LRRFIP1: variants seen among roughly 807,000 people sequenced by gnomAD.
The protein encoded by LRRFIP1 is leucine-rich repeat flightless-interacting protein 1.
LRRFIP1 carries 62 observed loss-of-function variants against 104.4 expected under a neutral mutation model. That is an observed-to-expected ratio of 0.59 (90% CI 0.48 to 0.73). The LOEUF (loss-of-function observed/expected upper bound fraction) is 0.73, where lower values mean the gene tolerates loss of function less well. LRRFIP1 is among the 30% of genes least tolerant of loss of function. The pLI is 0.00. For synonymous variants in LRRFIP1, 300 were observed against 299.0 expected (o/e 1.00, Z -0.03); for missense variants, 796 against 824.5 (o/e 0.97, Z 0.42).
intron 15 of LRRFIP1, among the ~76,000 whole-genome samples, chr2:237,754,327 G>A (rs1458997548): frequency 6.6e-6 from 1 of 152,180 alleles, no homozygotes; most frequent in African/African-American, 2.4e-5. Flanking sequence ...AGTCTTATCT[G>A]AGCTTTCATT....
At chr2:237,665,601 G>C (rs1461340517) in intron 1 of LRRFIP1, among the ~76,000 whole-genome samples, 2 of 152,204 alleles carry the variant, frequency 1.3e-5, no homozygotes, top group Non-Finnish European at 2.9e-5. Flanking sequence ...AAAATAAAAT[G>C]AATTTATGTT....
rs147124138 is a variant in LRRFIP1 at position 237,750,979 on chromosome 2, A to G, written c.796-221A>G. Among the ~76,000 whole-genome samples the G allele has an allele frequency of 2.7e-3, 411 of 152,320 alleles. 2 individuals carry two copies. Among genetic ancestry groups the G allele is most frequent in the African/African-American group, 9.6e-3 (397 of 41,558 alleles). On this transcript the variant is annotated intron_variant, in intron 13 of 23. Coordinates refer to ENST00000308482, the MANE Select transcript of LRRFIP1 (RefSeq NM_001137550.2). Reference sequence around the variant, plus strand: ...TTTAAACTGTGTAAAATCATATGAGATACACTAAAATTGTATAAAATCATG... The same window carrying G: ...TTTAAACTGTGTAAAATCATATGAGGTACACTAAAATTGTATAAAATCATG...
intron 21 of LRRFIP1, 82 bp downstream of exon 21, chr2:237,772,280 C>T (rs1012986359): frequency 1.0e-5 from 11 of 1,100,982 alleles, no homozygotes; most frequent in South Asian, 4.0e-5. Flanking sequence ...AAAACTGTCA[C>T]GGCAAAGAAT....
chr2:237,690,820 G>A (rs1203281459), intron 1 of LRRFIP1, among the ~76,000 whole-genome samples: 2 of 152,156 alleles, frequency 1.3e-5, no homozygotes, highest in Middle Eastern at 3.2e-3. Context: ...CTATTGAAAG[G>A]TAGGCATTTC....
intron 1 of LRRFIP1, among the ~76,000 whole-genome samples, chr2:237,659,640 CATATAA>C (rs955503160): frequency 3.4e-5 from 5 of 147,460 alleles, no homozygotes; most frequent in Admixed American, 2.0e-4. Context: ...TTTTTATATA[CATATAA>C]ATATATATAT....
At chr2:237,736,754 G>A (rs3769076) in intron 10 of LRRFIP1, among the ~76,000 whole-genome samples, 5,496 of 152,294 alleles carry the variant, frequency 0.036, 109 homozygotes, top group South Asian at 0.11. Context: ...CAGCACAGCT[G>A]CCTAAAATAG....
rs190541634 is a variant in LRRFIP1, at chr2:237,755,383, T to C, written c.1039-712T>C. Among the ~76,000 whole-genome samples, 36 of 152,336 alleles carry C rather than the reference T, an allele frequency of 2.4e-4. No individual in the cohort carries two copies. The East Asian group carries it at 6.6e-3, about 28-fold the overall frequency. On this transcript the variant is annotated intron_variant, in intron 15 of 23. Transcript: ENST00000308482. The stretch of plus-strand genomic sequence containing the variant: ...GTAGGCCATGTTTATCTCCTTTTTA[T>C]CCCAAAGAGTTTTCCTTGTCATATT...
intron 1 of LRRFIP1, among the ~76,000 whole-genome samples, chr2:237,645,374 C>T (rs538177654): frequency 2.6e-5 from 4 of 152,150 alleles, no homozygotes; most frequent in African/African-American, 9.6e-5. Flanking sequence ...TCCTCACTGC[C>T]AAGATGCTGC....
chr2:237,704,001 A>C (rs539378589), intron 1 of LRRFIP1, among the ~76,000 whole-genome samples: 2 of 152,160 alleles, frequency 1.3e-5, no homozygotes, highest in African/African-American at 4.8e-5. Context: ...CCACCGGAGC[A>C]CTGGCCTGAG....
At chr2:237,665,711 G>A (rs2089091592) in intron 1 of LRRFIP1, among the ~76,000 whole-genome samples, 1 of 152,224 alleles carries the variant, frequency 6.6e-6, no homozygotes. Context: ...GCATGGCTGA[G>A]TTGGCTGTTT....
rs75334463 is a variant in LRRFIP1, at chr2:237,632,622, G to A, written c.96+4882G>A. Among the ~76,000 whole-genome samples the A allele has an allele frequency of 7.3e-3, 1,112 of 152,294 alleles. 11 individuals carry two copies. Among genetic ancestry groups the A allele is most frequent in the African/African-American group, 0.025 (1,026 of 41,556 alleles). On this transcript the variant is annotated intron_variant, in intron 1 of 23. Transcript: ENST00000308482. ...ATAGCCCTCCTATATCAACCTGTGC[G>A]GAGGGAGCCTGTCTCTCTTCTCCTC... is the stretch of plus-strand genomic sequence containing the variant.
rs769330235 is a variant in LRRFIP1, at chr2:237,733,794, T to C, written c.465T>C (p.Ala155=). 6.2e-7 allele frequency: 1 copy of C among 1,613,938 alleles called. No individual in the cohort carries two copies. Among genetic ancestry groups the C allele is most frequent in the South Asian group, 1.1e-5 (1 of 91,090 alleles). The change falls in exon 9 of 24, where the codon GCT becomes GCC. Residue 155 remains alanine, a synonymous_variant. Coordinates refer to ENST00000308482, the MANE Select transcript of LRRFIP1 (RefSeq NM_001137550.2). The part of the protein sequence containing the change: ...RSGRPSCLYS[A]ARPSGSYRAS... ...TCCAGCCCTCCTGTCTGTACAGCGC[T>C]GCCCGGCCTTCGGGGAGTTACCGGG...
rs1254359661 is a variant in LRRFIP1 at position 237,780,390 on chromosome 2, G to A, written c.*858G>A. The A allele has an allele frequency of 6.6e-6, 1 of 151,834 alleles. No individual in the cohort carries two copies. Among genetic ancestry groups the A allele is most frequent in the Non-Finnish European group, 1.5e-5 (1 of 67,966 alleles). The allele number at this position is 151,834 out of a possible 1,614,324, so 9.4% of individuals were successfully genotyped here. ...ATATTAATGGTTCTGTATATTTTGG[G>A]TCATCTTTTTATTTTTTAAGAATAT... On this transcript the variant is annotated 3_prime_UTR_variant, in exon 24 of 24. Transcript: ENST00000308482.
At chr2:237,748,912 A>C (rs1276048820) in intron 12 of LRRFIP1, among the ~76,000 whole-genome samples, 1 of 152,214 alleles carries the variant, frequency 6.6e-6, no homozygotes, top group Non-Finnish European at 1.5e-5. Context: ...GGGAGACCTC[A>C]GGAAACTTAC....
At chr2:237,652,701 C>A (rs1393952895) in intron 1 of LRRFIP1, among the ~76,000 whole-genome samples, 1 of 152,184 alleles carries the variant, frequency 6.6e-6, no homozygotes, top group Non-Finnish European at 1.5e-5. Flanking sequence ...AGAAAACAAT[C>A]TTGGCTGGGC....
intron 4 of LRRFIP1, among the ~76,000 whole-genome samples, chr2:237,718,123 G>A (rs1243169340): frequency 6.6e-6 from 1 of 152,160 alleles, no homozygotes; most frequent in Non-Finnish European, 1.5e-5. Flanking sequence ...TCGAGCACAG[G>A]GCTCTCCACC....
At chr2:237,710,964 G>A (rs1003628100) in intron 2 of LRRFIP1, among the ~76,000 whole-genome samples, 1 of 152,234 alleles carries the variant, frequency 6.6e-6, no homozygotes, top group Non-Finnish European at 1.5e-5. Context: ...AGGACACTGA[G>A]GCAGGAGCAT....
intron 11 of LRRFIP1, among the ~76,000 whole-genome samples, chr2:237,747,289 G>A (rs1355029869): frequency 6.6e-6 from 1 of 152,228 alleles, no homozygotes; most frequent in Non-Finnish European, 1.5e-5. Context: ...TGTCGTTGGA[G>A]GAGAAGTTGA....
At chr2:237,662,294 A>G (rs887475432) in intron 1 of LRRFIP1, among the ~76,000 whole-genome samples, 1 of 151,816 alleles carries the variant, frequency 6.6e-6, no homozygotes, top group African/African-American at 2.4e-5. Flanking sequence ...ATCTAGTACG[A>G]CCTCATCTTA....
Sources: allele counts gnomAD v4.1 joint callset (sites outside exome capture counted in the v4.1 genomes callset), GRCh38; gene constraint gnomAD v4.1.1; transcripts MANE v1.5; gene names NCBI Gene and HGNC (gene_info 2026-07-23, HGNC 2026-07-21).